Variants in FGD5 observed in about 807,000 individuals in gnomAD.
The protein encoded by FGD5 is FYVE, RhoGEF and PH domain containing 5.
A neutral mutation model predicts 133.4 loss-of-function variants in FGD5; 28 were observed. That is an observed-to-expected ratio of 0.21 (90% CI 0.16 to 0.29). FGD5 has a LOEUF of 0.29. FGD5 is among the 10% of genes least tolerant of loss of function. The pLI, the probability that FGD5 is intolerant of heterozygous loss-of-function variation, is 1.00. For synonymous variants in FGD5, 810 were observed against 776.5 expected, an observed-to-expected ratio of 1.04 and a Z score of -0.72; for missense variants, 1,858 against 1,895.2, an observed-to-expected ratio of 0.98 and a Z score of 0.36.
chr3:14,892,739 G>A (rs2038054628), intron 4 of FGD5, among the ~76,000 whole-genome samples: 1 of 151,896 alleles, frequency 6.6e-6, no homozygotes, highest in Admixed American at 6.6e-5. Flanking sequence ...GAATCACTTG[G>A]ACCTGGGAGG....
chr3:14,920,876 G>A (rs1179129264), intron 13 of FGD5, among the ~76,000 whole-genome samples: 1 of 152,216 alleles, frequency 6.6e-6, no homozygotes, highest in East Asian at 1.9e-4. Context: ...GTAGAAAAGG[G>A]CTTGGAAACC....
intron 1 of FGD5, among the ~76,000 whole-genome samples, chr3:14,838,560 C>A (rs1276818722): frequency 6.6e-6 from 1 of 152,126 alleles, no homozygotes; most frequent in Admixed American, 6.5e-5. Flanking sequence ...CCCAAGGTCC[C>A]CAGAGGTCTC....
intron 1 of FGD5, among the ~76,000 whole-genome samples, chr3:14,841,459 G>A (rs1424689573): frequency 2.6e-5 from 4 of 152,098 alleles, no homozygotes; most frequent in African/African-American, 9.7e-5. Context: ...AAATTATGGA[G>A]GATTGATGAG....
At chr3:14,841,260 C>T (rs1015098097) in intron 1 of FGD5, among the ~76,000 whole-genome samples, 3 of 152,158 alleles carry the variant, frequency 2.0e-5, no homozygotes, top group African/African-American at 7.2e-5. Context: ...TGCTGTCACC[C>T]AGGGGTGGTG....
intron 9 of FGD5, among the ~76,000 whole-genome samples, chr3:14,903,552 G>C (rs908932634): frequency 4.6e-5 from 6 of 131,266 alleles, no homozygotes; most frequent in African/African-American, 1.8e-4. Flanking sequence ...CCCTTCCTGT[G>C]TCCATGTGAT....
intron 1 of FGD5, among the ~76,000 whole-genome samples, chr3:14,813,509 T>C (rs769932596): frequency 6.6e-6 from 1 of 152,198 alleles, no homozygotes; most frequent in African/African-American, 2.4e-5. Context: ...TTGTAACATA[T>C]GGTTATGAGA....
chr3:14,918,866 G>A, intron 13 of FGD5, 33 bp downstream of exon 13: 1 of 1,609,932 alleles, frequency 6.2e-7, no homozygotes, highest in Non-Finnish European at 8.5e-7. Context: ...TGGCGCACAA[G>A]GCAGAGGTGT....
Position 14,850,894 on chromosome 3 carries a change from A to G in FGD5, c.2526-13234A>G, listed in dbSNP as rs150505252. On this transcript the variant is annotated intron_variant, in intron 1 of 19. Transcript: ENST00000285046. ...GGGATAGATGGGAAACTGCAAATGTATGCATGGGCCAGGGAGTTGGTTTGG... is the reference window on the plus strand; with the variant it reads ...GGGATAGATGGGAAACTGCAAATGTGTGCATGGGCCAGGGAGTTGGTTTGG... 7.3e-3 allele frequency among the ~76,000 whole-genome samples: 1,106 copies of G among 152,260 alleles called. 3 individuals are homozygous for G. The highest frequency in any genetic ancestry group is 0.011 in the South Asian group (54 of 4,816).
intron 1 of FGD5, among the ~76,000 whole-genome samples, chr3:14,841,008 G>T (rs1368564022): frequency 6.6e-6 from 1 of 152,226 alleles, no homozygotes; most frequent in Non-Finnish European, 1.5e-5. Flanking sequence ...TCCATTGAAT[G>T]ATTGTGCCCC....
At chr3:14,850,788 G>A (rs1329731074) in intron 1 of FGD5, among the ~76,000 whole-genome samples, 2 of 152,070 alleles carry the variant, frequency 1.3e-5, no homozygotes, top group South Asian at 4.1e-4. Flanking sequence ...CCTTGGTTGG[G>A]GGGGCAGTGG....
At chr3:14,857,400 C>T (rs940203921) in intron 1 of FGD5, among the ~76,000 whole-genome samples, 4 of 152,166 alleles carry the variant, frequency 2.6e-5, no homozygotes, top group African/African-American at 9.7e-5. Flanking sequence ...AGCGATCCTC[C>T]TGCTTCAGCT....
At chr3:14,896,983 C>A (rs1575240341) in intron 4 of FGD5, 1 of 156,152 alleles carries the variant, frequency 6.4e-6, no homozygotes. Context: ...CAGCTCTGCA[C>A]CCCTTCTTGA....
chr3:14,898,649 T>C, intron 6 of FGD5, 90 bp from the exon 7 acceptor site: 1 of 1,016,926 alleles, frequency 9.8e-7, no homozygotes, highest in Non-Finnish European at 1.5e-6. Context: ...GGAAGAGGTG[T>C]GGATGGGACA....
Position 14,819,413 on chromosome 3 carries a change from A to G in FGD5, c.342A>G (p.Thr114=), listed in dbSNP as rs2036435788. 1.9e-6 allele frequency: 3 copies of G among 1,550,194 alleles called. No individual in the cohort carries two copies. Among genetic ancestry groups the G allele is most frequent in the South Asian group, 2.4e-5 (2 of 83,910 alleles). Residue 114 remains threonine (T), a synonymous_variant, in exon 1 of 20, where the codon ACA becomes ACG. Transcript: ENST00000285046. This position sits in a 1 kb window ranked among gnomAD's most constrained non-coding sequence, Gnocchi z 4.1. The part of the protein sequence containing the change: ...EGGEACGLEG[T]GAGEDSVAPA... ...GCGAGGCATGTGGCCTGGAGGGTACAGGAGCTGGTGAGGATTCAGTGGCCC... is the reference window on the plus strand; with the variant it reads ...GCGAGGCATGTGGCCTGGAGGGTACGGGAGCTGGTGAGGATTCAGTGGCCC...
At chr3:14,831,658 G>T (rs2036710207) in intron 1 of FGD5, among the ~76,000 whole-genome samples, 1 of 152,196 alleles carries the variant, frequency 6.6e-6, no homozygotes, top group African/African-American at 2.4e-5. Flanking sequence ...TCTTGAAAAG[G>T]AGTGTGTTGA....
At chr3:14,854,010 C>T (rs779713348) in intron 1 of FGD5, among the ~76,000 whole-genome samples, 27 of 146,080 alleles carry the variant, frequency 1.8e-4, no homozygotes, top group Non-Finnish European at 3.2e-4. Flanking sequence ...TCTGCAGGCT[C>T]TTCAGAGCTG....
chr3:14,890,136 C>A (rs368921448), intron 4 of FGD5, among the ~76,000 whole-genome samples: 1 of 152,290 alleles, frequency 6.6e-6, no homozygotes, highest in African/African-American at 2.4e-5. Context: ...GTACTCCACC[C>A]CTCAGCTCCT....
In FGD5 at chr3:14,820,790, C is replaced by G; in HGVS notation, c.1719C>G (p.Asp573Glu). The G allele has an allele frequency of 6.2e-7, 1 of 1,613,782 alleles. No homozygotes were observed. The highest frequency in any genetic ancestry group is 8.5e-7 in the Non-Finnish European group (1 of 1,179,842). ...AGCCTGAGGGGTCAGGGTTGGATGA[C>G]CACAGGATAAAGAGGAAAGAGGACA... is the stretch of plus-strand genomic sequence containing the variant. ...YQEPEGSGLD[D>E]HRIKRKEDNL... Residue 573 changes from aspartate to glutamate, a missense_variant, in exon 1 of 20, where the codon GAC becomes GAG. Asp to Glu is a conservative substitution (Grantham distance 45). Transcript: ENST00000285046.
intron 10 of FGD5, 69 bp from the exon 11 acceptor site, chr3:14,910,792 C>T: frequency 6.9e-7 from 1 of 1,446,250 alleles, no homozygotes; most frequent in South Asian, 1.2e-5. Context: ...TCAGGGGCCT[C>T]CCCTGCACCC....
Sources: allele counts gnomAD v4.1 joint callset (sites outside exome capture counted in the v4.1 genomes callset), GRCh38; gene constraint gnomAD v4.1.1; non-coding constraint Gnocchi (gnomAD v3.1); transcripts MANE v1.5; gene names NCBI Gene and HGNC (gene_info 2026-07-23, HGNC 2026-07-21).